ZNF385D: variants seen among roughly 807,000 people sequenced by gnomAD.
ZNF385D encodes the protein zinc finger protein 385D.
In ZNF385D, 15 loss-of-function variants were observed where a neutral mutation model predicts 35.8. The ratio of observed to expected loss-of-function variants is 0.42; its 90% CI spans 0.28 to 0.64. The LOEUF is 0.64. ZNF385D is among the 30% of genes least tolerant of loss of function. The probability of loss-of-function intolerance (pLI) is 0.23; values close to 1 mark genes in which losing one functional copy is unlikely to be tolerated. For missense variants in ZNF385D, 474 were observed against 494.6 expected, an observed-to-expected ratio of 0.96 and a Z score of 0.39; for synonymous variants, 212 against 186.8, an observed-to-expected ratio of 1.13 and a Z score of -1.10.
chr3:22,255,913 G>T (rs1700291037), intron 2 of ZNF385D, among the ~76,000 whole-genome samples: 1 of 151,560 alleles, frequency 6.6e-6, no homozygotes, highest in Non-Finnish European at 1.5e-5. Flanking sequence ...CTGTGAGGGT[G>T]TTTCCAAAGG....
At chr3:21,769,091 G>C (rs1349952739) in intron 3 of ZNF385D, among the ~76,000 whole-genome samples, 1 of 151,912 alleles carries the variant, frequency 6.6e-6, no homozygotes, top group African/African-American at 2.4e-5. Flanking sequence ...GTTGAATTTT[G>C]TCAAAGGCCC....
chr3:21,549,672 A>G (rs754004239), intron 3 of ZNF385D, among the ~76,000 whole-genome samples: 4 of 152,268 alleles, frequency 2.6e-5, no homozygotes, highest in Non-Finnish European at 4.4e-5. Context: ...CTCTTCTTTC[A>G]CACAAGCCGA....
At chr3:21,562,454 G>T (rs2062985293) in intron 3 of ZNF385D, among the ~76,000 whole-genome samples, 1 of 152,064 alleles carries the variant, frequency 6.6e-6, no homozygotes, top group Non-Finnish European at 1.5e-5. Flanking sequence ...TCAAGCAAAA[G>T]ACCTTGCCTG....
intron 2 of ZNF385D, among the ~76,000 whole-genome samples, chr3:22,215,545 C>A (rs1236623829): frequency 6.6e-6 from 1 of 151,974 alleles, no homozygotes; most frequent in Non-Finnish European, 1.5e-5. Context: ...GAAATTCCCG[C>A]CTAATAAATT....
intron 2 of ZNF385D, among the ~76,000 whole-genome samples, chr3:22,212,408 G>A (rs1322564407): frequency 1.3e-5 from 2 of 152,016 alleles, no homozygotes; most frequent in East Asian, 1.9e-4. Flanking sequence ...AGATTGGAGG[G>A]CAAAAGAAAT....
chr3:22,197,650 C>A (rs533141484), intron 2 of ZNF385D, among the ~76,000 whole-genome samples: 10 of 152,022 alleles, frequency 6.6e-5, no homozygotes, highest in Non-Finnish European at 1.2e-4. Flanking sequence ...TGCTCCATAC[C>A]ATAAACTCCA....
At position 21,750,984 on chromosome 3, in the gene ZNF385D, A is replaced by G; in HGVS notation, c.-68T>C. ...GCTCTCACCCAAGGCTGGCACGTAG[A>G]GCAGAGCCCTTTCATGCTACATTCG... On this transcript the variant is annotated 5_prime_UTR_variant, in exon 1 of 8. Transcript: ENST00000281523. The G allele has an allele frequency of 1.1e-5, 18 of 1,613,194 alleles. No homozygotes were observed. Among genetic ancestry groups the G allele is most frequent in the Non-Finnish European group, 1.5e-5 (18 of 1,179,732 alleles).
chr3:21,765,691 G>C (rs984227226), intron 3 of ZNF385D, among the ~76,000 whole-genome samples: 1 of 151,206 alleles, frequency 6.6e-6, no homozygotes, highest in African/African-American at 2.4e-5. Flanking sequence ...ATAAGTGCGT[G>C]CGTGCATGCA....
intron 3 of ZNF385D, among the ~76,000 whole-genome samples, chr3:22,011,077 A>G (rs1184452535): frequency 6.6e-6 from 1 of 152,170 alleles, no homozygotes; most frequent in Non-Finnish European, 1.5e-5. Flanking sequence ...AAATTCGTTA[A>G]TGAATCATCC....
intron 3 of ZNF385D, among the ~76,000 whole-genome samples, chr3:21,992,071 G>C (rs918765522): frequency 1.3e-5 from 2 of 152,140 alleles, no homozygotes; most frequent in African/African-American, 4.8e-5. Context: ...GTTGCTGTGA[G>C]AATTAAATGA....
intron 3 of ZNF385D, among the ~76,000 whole-genome samples, chr3:21,976,661 T>A (rs1576059624): frequency 6.6e-6 from 1 of 152,304 alleles, no homozygotes; most frequent in East Asian, 1.9e-4. Flanking sequence ...TAAATATATT[T>A]TGGTACATCC....
chr3:21,991,665 G>T (rs552984422), intron 3 of ZNF385D, among the ~76,000 whole-genome samples: 2 of 152,270 alleles, frequency 1.3e-5, no homozygotes, highest in African/African-American at 4.8e-5. Context: ...GTAAATACTT[G>T]TCCTAAGAGC....
intron 2 of ZNF385D, among the ~76,000 whole-genome samples, chr3:21,608,354 T>A (rs961668432): frequency 6.6e-6 from 1 of 152,172 alleles, no homozygotes; most frequent in Non-Finnish European, 1.5e-5. Context: ...GGATTGTCGT[T>A]AGTAAAATTT....
chr3:22,255,022 T>G (rs771989579), intron 2 of ZNF385D, among the ~76,000 whole-genome samples: 7 of 151,886 alleles, frequency 4.6e-5, no homozygotes, highest in Non-Finnish European at 7.4e-5. Context: ...TTCAGAACAA[T>G]GTGCAAACAT....
chr3:22,269,352 A>C (rs1428497412), intron 2 of ZNF385D, among the ~76,000 whole-genome samples: 22 of 151,980 alleles, frequency 1.4e-4, no homozygotes. Context: ...AAGAGGACAC[A>C]TCTGACAGAC....
At chr3:21,744,606 C>G (rs867406154) in intron 1 of ZNF385D, among the ~76,000 whole-genome samples, 2 of 152,086 alleles carry the variant, frequency 1.3e-5, no homozygotes, top group African/African-American at 4.8e-5. Flanking sequence ...AAAGTGAAAG[C>G]TGAAAACTGA....
intron 3 of ZNF385D, among the ~76,000 whole-genome samples, chr3:22,070,997 G>T (rs929529806): frequency 6.6e-6 from 1 of 152,058 alleles, no homozygotes; most frequent in South Asian, 2.1e-4. Context: ...AAAATTGAAA[G>T]ATTTTTACCT....
intron 1 of ZNF385D, among the ~76,000 whole-genome samples, chr3:21,722,584 T>C (rs1490272552): frequency 6.6e-6 from 1 of 152,222 alleles, no homozygotes; most frequent in Non-Finnish European, 1.5e-5. Flanking sequence ...ACAGTGCCTC[T>C]GATATTCAGT....
intron 1 of ZNF385D, among the ~76,000 whole-genome samples, chr3:21,726,578 C>T (rs1417259758): frequency 6.6e-6 from 1 of 152,206 alleles, no homozygotes; most frequent in East Asian, 1.9e-4. Context: ...TTCACAATTG[C>T]TACTAAGATA....
Sources: allele counts gnomAD v4.1 joint callset (sites outside exome capture counted in the v4.1 genomes callset), GRCh38; gene constraint gnomAD v4.1.1; transcripts MANE v1.5; gene names NCBI Gene and HGNC (gene_info 2026-07-23, HGNC 2026-07-21).